Variants in SUGT1 observed in about 807,000 individuals in gnomAD.
SUGT1 encodes the protein SGT1 assembly cochaperone of MIS12 kinetochore complex.
A neutral mutation model predicts 56.1 loss-of-function variants in SUGT1; 15 were observed. The ratio of observed to expected loss-of-function variants is 0.27; its 90% CI spans 0.18 to 0.41. The LOEUF is 0.41. SUGT1 is among the 10% of genes least tolerant of loss of function. SUGT1 has a pLI of 1.00. For missense variants in SUGT1, 347 were observed against 382.2 expected (o/e 0.91, Z 0.77); for synonymous variants, 123 against 128.6 (o/e 0.96, Z 0.30).
chr13:52,661,019 C>G (rs1158657008), intron 5 of SUGT1, among the ~76,000 whole-genome samples: 1 of 151,986 alleles, frequency 6.6e-6, no homozygotes, highest in African/African-American at 2.4e-5. Context: ...GCCATGTTGC[C>G]CAGGCTGGTC....
chr13:52,662,556 ACACTGCCTGG>A, intron 5 of SUGT1, 83 bp from the exon 6 acceptor site: 1 of 1,333,702 alleles, frequency 7.5e-7, no homozygotes, highest in South Asian at 1.3e-5. Flanking sequence ...AGTGCCTAGA[ACACTGCCTGG>A]GATGTAGTAG....
chr13:52,686,862 G>A (rs919450736), intron 12 of SUGT1, among the ~76,000 whole-genome samples: 1 of 151,852 alleles, frequency 6.6e-6, no homozygotes, highest in Admixed American at 6.6e-5. Flanking sequence ...CCTGAGGGTC[G>A]GGAGTTCGAG....
At chr13:52,679,240 A>G (rs375900053) in intron 11 of SUGT1, among the ~76,000 whole-genome samples, 4 of 152,268 alleles carry the variant, frequency 2.6e-5, no homozygotes, top group Non-Finnish European at 4.4e-5. Context: ...TCTTTGGAGC[A>G]ATCTTGGCAG....
chr13:52,659,378 A>G, intron 5 of SUGT1, 129 bp downstream of exon 5: 1 of 508,768 alleles, frequency 2.0e-6, no homozygotes, highest in Non-Finnish European at 3.4e-6. Context: ...TCTAAATTAT[A>G]TTTCATATTG....
In SUGT1 at chr13:52,697,010, T is replaced by A. The variant is rs1256202374; in HGVS notation, c.*9175T>A. 1 of 151,152 alleles carries A rather than the reference T, an allele frequency of 6.6e-6. No homozygotes were observed. Among genetic ancestry groups the A allele is most frequent in the East Asian group, 1.9e-4 (1 of 5,192 alleles). 9.4% of individuals were successfully genotyped at this position (151,152 alleles called of 1,614,324 possible). On this transcript the variant is annotated 3_prime_UTR_variant, in exon 13 of 13. Coordinates refer to ENST00000310528, the MANE Select transcript of SUGT1 (RefSeq NM_006704.5). ...TATTTATTTTATTTATTTATTTTTA[T>A]TTTTTATTTTTTTAGATAAGGTCTT... is the stretch of plus-strand genomic sequence containing the variant.
chr13:52,657,748 A>G (rs1962237005), intron 3 of SUGT1, 126 bp downstream of exon 3: 3 of 787,290 alleles, frequency 3.8e-6, no homozygotes, highest in Non-Finnish European at 5.9e-6. Flanking sequence ...AAGTAGCTCA[A>G]ATGTGACAGA....
At chr13:52,661,787 TGA>T (rs1464292087) in intron 5 of SUGT1, among the ~76,000 whole-genome samples, 4 of 152,198 alleles carry the variant, frequency 2.6e-5, no homozygotes, top group African/African-American at 7.2e-5. Context: ...ACAGTGTGTG[TGA>T]GAGTGTATTT....
chr13:52,680,627 A>G (rs532985212), intron 12 of SUGT1, among the ~76,000 whole-genome samples: 62 of 152,330 alleles, frequency 4.1e-4, no homozygotes, highest in Non-Finnish European at 6.8e-4. Flanking sequence ...TTAGACCTCA[A>G]AATTTTAGTA....
intron 6 of SUGT1, 63 bp from the exon 7 acceptor site, chr13:52,663,033 A>C: frequency 6.4e-7 from 1 of 1,554,958 alleles, no homozygotes; most frequent in Non-Finnish European, 8.8e-7. Context: ...TAGAAATCAT[A>C]CAAATAACTT....
intron 8 of SUGT1, 83 bp downstream of exon 8, chr13:52,664,140 T>A: frequency 7.3e-7 from 1 of 1,362,830 alleles, no homozygotes; most frequent in Non-Finnish European, 1.0e-6. Flanking sequence ...GTAAGCAAAT[T>A]CTTACCATGT....
At chr13:52,678,856 T>A (rs572714809) in intron 11 of SUGT1, among the ~76,000 whole-genome samples, 62 of 151,920 alleles carry the variant, frequency 4.1e-4, no homozygotes, top group Admixed American at 2.0e-3. Context: ...TATTATTATT[T>A]TTTTTTCATA....
At chr13:52,663,919 C>A in intron 7 of SUGT1, 116 bp from the exon 8 acceptor site, 1 of 962,446 alleles carries the variant, frequency 1.0e-6, no homozygotes. Context: ...TATTTTATAT[C>A]AAAATAACTG....
rs1317092844 is a variant in SUGT1 at position 52,689,264 on chromosome 13, T to G, written c.*1429T>G. 4 of 152,168 alleles carry G rather than the reference T, an allele frequency of 2.6e-5. No individual in the cohort carries two copies. The highest frequency in any genetic ancestry group is 4.4e-5 in the Non-Finnish European group (3 of 68,026). The allele number at this position is 152,168 out of a possible 1,614,324, so 9.4% of individuals were successfully genotyped here. ...AGTTTTCACTTGTCCTTCTGTCCAC[T>G]TAGAGCTACTAGATACATTTTTTTC... On this transcript the variant is annotated 3_prime_UTR_variant, in exon 13 of 13. Transcript: ENST00000310528.
intron 10 of SUGT1, among the ~76,000 whole-genome samples, chr13:52,670,631 A>T (rs1962893049): frequency 6.6e-6 from 1 of 152,106 alleles, no homozygotes; most frequent in Admixed American, 6.5e-5. Context: ...ACTTGGTGAA[A>T]ACCTGTCTCT....
At chr13:52,662,574 T>C (rs1263106201) in intron 5 of SUGT1, 75 bp from the exon 6 acceptor site, 1 of 1,483,964 alleles carries the variant, frequency 6.7e-7, no homozygotes, top group South Asian at 1.2e-5. Flanking sequence ...TGGGATGTAG[T>C]AGGTATTCAG....
At position 52,680,136 on chromosome 13, in the gene SUGT1, G is replaced by A; in HGVS notation, c.881G>A (p.Arg294His). Residue 294 changes from arginine (R) to histidine (H), a missense_variant, in exon 12 of 13, where the codon CGT becomes CAT. Physicochemically the swap from Arg to His is conservative, Grantham distance 29. Coordinates refer to ENST00000310528, the MANE Select transcript of SUGT1 (RefSeq NM_006704.5). ...TCAGATGGTTCTGATGAAGTGAAAC[G>A]TGCCATGAACAAATCCTTTGTAAGA... is the stretch of plus-strand genomic sequence containing the variant. ...IYSDGSDEVK[R>H]AMNKSFMESG... The A allele has an allele frequency of 3.2e-6, 5 of 1,582,830 alleles. No individual in the cohort carries two copies. The highest frequency in any genetic ancestry group is 4.3e-6 in the Non-Finnish European group (5 of 1,170,448).
At chr13:52,670,042 ATAG>A (rs1962868544) in intron 10 of SUGT1, among the ~76,000 whole-genome samples, 1 of 152,200 alleles carries the variant, frequency 6.6e-6, no homozygotes, top group Non-Finnish European at 1.5e-5. Flanking sequence ...AATCTGCTTA[ATAG>A]TAGAGATTCT....
At chr13:52,657,674 T>C in intron 3 of SUGT1, 52 bp downstream of exon 3, 2 of 1,501,664 alleles carry the variant, frequency 1.3e-6, no homozygotes, top group Non-Finnish European at 1.8e-6. Flanking sequence ...TACTTATACA[T>C]TTTACCCATG....
intron 10 of SUGT1, among the ~76,000 whole-genome samples, chr13:52,673,289 C>T (rs979418820): frequency 6.6e-5 from 10 of 150,464 alleles, no homozygotes; most frequent in Middle Eastern, 3.5e-3. Context: ...CTCTGTTGCC[C>T]ATGCTGGAGT....
Sources: allele counts gnomAD v4.1 joint callset (sites outside exome capture counted in the v4.1 genomes callset), GRCh38; gene constraint gnomAD v4.1.1; transcripts MANE v1.5; gene names NCBI Gene and HGNC (gene_info 2026-07-23, HGNC 2026-07-21).